The following PPM1A variants were observed in gnomAD, a reference collection of about 807,000 sequenced individuals.
PPM1A encodes the protein protein phosphatase 1A.
In PPM1A, 7 loss-of-function variants were observed where a neutral mutation model predicts 35.0. The observed-to-expected ratio is 0.20, with a 90% confidence interval of 0.11 to 0.38. The LOEUF is 0.38. Ranked by LOEUF, PPM1A falls within the 10% of genes least tolerant of loss-of-function variation. PPM1A has a pLI of 1.00. For synonymous variants in PPM1A, 153 were observed against 167.3 expected (o/e 0.91, Z 0.66); for missense variants, 239 against 467.8 (o/e 0.51, Z 4.51).
At position 60,250,876 on chromosome 14, in the gene PPM1A, A is replaced by G. The variant is rs994675874; in HGVS notation, c.-21+1199A>G. On this transcript the variant is annotated intron_variant, in intron 1 of 5. Coordinates refer to ENST00000395076, the MANE Select transcript of PPM1A (RefSeq NM_021003.5). ...GGAATTTAGCATAGCTTGGTCCCCA[A>G]CTCTCTTTGAAACACTTTACTTTTA... Among the ~76,000 whole-genome samples, 3 of 151,926 alleles carry G rather than the reference A, an allele frequency of 2.0e-5. No individual in the cohort carries two copies. The East Asian group carries it at 5.8e-4, about 29-fold the overall frequency.
chr14:60,291,476 T>C (rs374239250), intron 5 of PPM1A, 22 bp downstream of exon 5: 58 of 1,550,192 alleles, frequency 3.7e-5, no homozygotes, highest in Non-Finnish European at 4.9e-5. Flanking sequence ...TTTAGCTCCC[T>C]CTGCTTTCCC....
intron 1 of PPM1A, chr14:60,268,465 T>C (rs975019834): frequency 1.1e-6 from 1 of 909,902 alleles, no homozygotes; most frequent in Non-Finnish European, 1.3e-6. Context: ...CTTCTAATTT[T>C]AAATAATTTT....
intron 1 of PPM1A, chr14:60,250,443 T>C: frequency 4.1e-6 from 4 of 984,722 alleles, no homozygotes; most frequent in Non-Finnish European, 4.8e-6. Flanking sequence ...TTCTACCAAC[T>C]GCAGTTTTAG....
At chr14:60,285,782 A>G in intron 3 of PPM1A, 41 bp downstream of exon 3, 1 of 1,600,690 alleles carries the variant, frequency 6.2e-7, no homozygotes, top group Non-Finnish European at 8.5e-7. Flanking sequence ...TATTAAAGAA[A>G]AATCTTCAAC....
rs1325637727 is a variant in PPM1A at position 60,249,337 on chromosome 14, T to C, written c.-361T>C. On this transcript the variant is annotated 5_prime_UTR_variant, in exon 1 of 6. Transcript: ENST00000395076. This position sits in a 1 kb window ranked among gnomAD's most constrained non-coding sequence, Gnocchi z 4.5. ...CTTCGGGTCCTCAGGCGGCTGTTGC[T>C]CCGGAACGGGTGGTTGGGGAGGGGG... is the stretch of plus-strand genomic sequence containing the variant. 1.3e-6 allele frequency: 1 copy of C among 799,980 alleles called. No individual in the cohort carries two copies. Among genetic ancestry groups the C allele is most frequent in the Non-Finnish European group, 1.5e-6 (1 of 688,196 alleles). 49.6% of individuals were successfully genotyped at this position (799,980 alleles called of 1,614,324 possible).
chr14:60,247,914 C>T (rs968829510), upstream of PPM1A, among the ~76,000 whole-genome samples: 3 of 152,104 alleles, frequency 2.0e-5, no homozygotes, highest in African/African-American at 7.2e-5. Context: ...CTCAATTTGG[C>T]CAGTAAAAGA....
At chr14:60,285,482 G>A (rs1030826055) in intron 2 of PPM1A, 142 bp from the exon 3 acceptor site, 55 of 841,280 alleles carry the variant, frequency 6.5e-5, no homozygotes, top group Middle Eastern at 7.3e-4. Context: ...GCACGCATGC[G>A]TGCACATATG....
At chr14:60,266,792 A>C (rs1884435764) in intron 1 of PPM1A, among the ~76,000 whole-genome samples, 1 of 152,238 alleles carries the variant, frequency 6.6e-6, no homozygotes, top group Admixed American at 6.6e-5. Flanking sequence ...TTATTCATAT[A>C]TATTTTGAAA....
Position 60,273,956 on chromosome 14 carries a change from G to A in PPM1A, c.-20-8728G>A, listed in dbSNP as rs1179377550. Reference sequence around the variant, plus strand: ...GTTGGGACTACAAGTATGCAACACCGCACCCAGTGAATGTTCTTGGTTTGT... The same window carrying A: ...GTTGGGACTACAAGTATGCAACACCACACCCAGTGAATGTTCTTGGTTTGT... On this transcript the variant is annotated intron_variant, in intron 1 of 5. Coordinates refer to ENST00000395076, the MANE Select transcript of PPM1A (RefSeq NM_021003.5). This position sits in a 1 kb window ranked among gnomAD's most constrained non-coding sequence, Gnocchi z 4.3. 6.6e-6 allele frequency among the ~76,000 whole-genome samples: 1 copy of A among 152,158 alleles called. No individual in the cohort carries two copies. The highest frequency in any genetic ancestry group is 1.5e-5 in the Non-Finnish European group (1 of 68,026).
chr14:60,277,123 T>A, intron 1 of PPM1A: 4 of 956,782 alleles, frequency 4.2e-6, no homozygotes, highest in East Asian at 7.7e-5. Context: ...AGAAACTAAC[T>A]AAAAACTTTC....
At chr14:60,257,533 G>C (rs571196369) in intron 1 of PPM1A, among the ~76,000 whole-genome samples, 5 of 152,244 alleles carry the variant, frequency 3.3e-5, no homozygotes, top group African/African-American at 1.2e-4. Flanking sequence ...CTCAGGGAGG[G>C]ATGTAAGTAA....
chr14:60,268,473 T>G (rs943032953), intron 1 of PPM1A: 8 of 876,576 alleles, frequency 9.1e-6, no homozygotes, highest in African/African-American at 5.5e-5. Context: ...TTTAAATAAT[T>G]TTTTTAGTTA....
At position 60,281,257 on chromosome 14, in the gene PPM1A, A is replaced by G. The variant is rs188294727; in HGVS notation, c.-20-1427A>G. On this transcript the variant is annotated intron_variant, in intron 1 of 5. Coordinates refer to ENST00000395076, the MANE Select transcript of PPM1A (RefSeq NM_021003.5). ...TCACCATAAGGGATGGATGATAGCT[A>G]GTTTTCATTACTTACCTTTCGTTAG... 1.1e-3 allele frequency among the ~76,000 whole-genome samples: 174 copies of G among 152,328 alleles called. No individual in the cohort carries two copies. The Middle Eastern group carries it at 0.014, about 12-fold the overall frequency.
chr14:60,250,137 G>A (rs898466424), intron 1 of PPM1A, among the ~76,000 whole-genome samples: 3 of 152,082 alleles, frequency 2.0e-5, no homozygotes, highest in African/African-American at 7.2e-5. Context: ...GACTTCCTTT[G>A]AACCGGGCTT....
Position 60,298,245 on chromosome 14 carries a change from C to T in PPM1A, c.*5763C>T, listed in dbSNP as rs1888210014. The T allele has an allele frequency of 6.6e-6, 1 of 151,554 alleles. No individual in the cohort carries two copies. The highest frequency in any genetic ancestry group is 2.4e-5 in the African/African-American group (1 of 41,372). The allele number at this position is 151,554 out of a possible 1,614,324, so 9.4% of individuals were successfully genotyped here. ...TTTTGGCCTCCATAGTGCAGATATA[C>T]TATATTAACAAGTAATACATTTATT... On this transcript the variant is annotated 3_prime_UTR_variant, in exon 6 of 6. Transcript: ENST00000395076.
At chr14:60,251,454 G>GT (rs141593229) in intron 1 of PPM1A, among the ~76,000 whole-genome samples, 3,098 of 152,286 alleles carry the variant, frequency 0.02, 110 homozygotes, top group African/African-American at 0.07. Context: ...GAAGGGAACA[G>GT]TGCAGTAGGA....
chr14:60,245,872 G>C (rs201908822), upstream of PPM1A: 1,244 of 1,592,548 alleles, frequency 7.8e-4, 15 homozygotes, highest in South Asian at 8.8e-3. The surrounding 1 kb of genome is among the most constrained non-coding windows in gnomAD (Gnocchi z 4.2). Context: ...GAGAAAATGG[G>C]TAGCAGAAGC....
intron 1 of PPM1A, among the ~76,000 whole-genome samples, chr14:60,263,865 C>G (rs557394643): frequency 6.6e-6 from 1 of 151,622 alleles, no homozygotes; most frequent in Non-Finnish European, 1.5e-5. Context: ...TTGTTTCTTT[C>G]TGTATTTGGT....
chr14:60,271,648 C>T (rs1185066791), intron 1 of PPM1A, among the ~76,000 whole-genome samples: 1 of 152,138 alleles, frequency 6.6e-6, no homozygotes, highest in Non-Finnish European at 1.5e-5. Context: ...ACGTGAAGGT[C>T]AAATTCAGGT....
Sources: gnomAD v4.1 joint callset for allele counts (sites outside exome capture counted in the v4.1 genomes callset) on GRCh38, gnomAD v4.1.1 for gene constraint, Gnocchi (gnomAD v3.1) non-coding constraint, MANE v1.5 for transcripts, NCBI Gene and HGNC (gene_info 2026-07-23, HGNC 2026-07-21) for gene names.